The following OTUD7A variants were observed in gnomAD, a reference collection of about 807,000 sequenced individuals.
OTUD7A encodes the protein OTU domain-containing protein 7A.
In OTUD7A, 12 loss-of-function variants were observed where a neutral mutation model predicts 65.7. The observed-to-expected ratio is 0.18, with a 90% CI of 0.12 to 0.30. OTUD7A has a LOEUF of 0.30. OTUD7A is among the 10% of genes least tolerant of loss of function. OTUD7A has a pLI of 1.00. For missense variants in OTUD7A, 1,148 were observed against 1,304.8 expected, an observed-to-expected ratio of 0.88 and a Z score of 1.85; for synonymous variants, 641 against 586.3, an observed-to-expected ratio of 1.09 and a Z score of -1.35.
At chr15:31,569,649 G>A (rs1888983451) in intron 4 of OTUD7A, among the ~76,000 whole-genome samples, 1 of 152,236 alleles carries the variant, frequency 6.6e-6, no homozygotes, top group Non-Finnish European at 1.5e-5. Context: ...TGGAGCGCAT[G>A]GGACAAGAAA....
At chr15:31,728,359 C>T (rs1202875701) in intron 1 of OTUD7A, among the ~76,000 whole-genome samples, 2 of 152,208 alleles carry the variant, frequency 1.3e-5, no homozygotes, top group Non-Finnish European at 2.9e-5. Flanking sequence ...TGAGATGGCC[C>T]CTCATTCCTC....
chr15:31,768,871 C>T (rs1348565769), intron 1 of OTUD7A, among the ~76,000 whole-genome samples: 1 of 151,532 alleles, frequency 6.6e-6, no homozygotes, highest in African/African-American at 2.4e-5. Flanking sequence ...AAAAAGCATA[C>T]AAAGAGAATA....
intron 5 of OTUD7A, among the ~76,000 whole-genome samples, chr15:31,538,108 C>G (rs2141131637): frequency 6.6e-6 from 1 of 152,308 alleles, no homozygotes; most frequent in Admixed American, 6.5e-5. Flanking sequence ...CAAGATGTAA[C>G]AGGAGACCTG....
intron 8 of OTUD7A, among the ~76,000 whole-genome samples, chr15:31,512,257 T>C (rs1566894374): frequency 6.6e-6 from 1 of 152,098 alleles, no homozygotes; most frequent in Non-Finnish European, 1.5e-5. Context: ...CTGAGTTTAT[T>C]CCACATACCG....
rs1344742055 is a variant in OTUD7A at position 31,768,214 on chromosome 15, G to A, written c.-100+102293C>T. ...CCCGACTCTCCACAGGTCTGTCAGC[G>A]TCCGGTGGCATCCATGGCAGTGTAG... On this transcript the variant is annotated intron_variant, in intron 1 of 12. Coordinates refer to ENST00000307050, the MANE Select transcript of OTUD7A (RefSeq NM_001382637.1). The A allele has an allele frequency of 6.3e-5, 65 of 1,036,248 alleles. 1 individual carries two copies. The highest frequency in any genetic ancestry group is 8.4e-5 in the Non-Finnish European group (55 of 653,684). 64.2% of individuals were successfully genotyped at this position (1,036,248 alleles called of 1,614,324 possible).
chr15:31,597,990 C>T (rs1889957298), intron 3 of OTUD7A, among the ~76,000 whole-genome samples: 1 of 152,028 alleles, frequency 6.6e-6, no homozygotes, highest in African/African-American at 2.4e-5. Flanking sequence ...TGTTTCCAGT[C>T]CCCTGTGGCC....
intron 1 of OTUD7A, among the ~76,000 whole-genome samples, chr15:31,670,309 C>A (rs1458671875): frequency 6.6e-6 from 1 of 152,114 alleles, no homozygotes; most frequent in Non-Finnish European, 1.5e-5. Flanking sequence ...AATGGGATTG[C>A]CGGGTCAAAT....
chr15:31,617,819 T>C (rs1223935079), intron 3 of OTUD7A, among the ~76,000 whole-genome samples: 5 of 152,208 alleles, frequency 3.3e-5, no homozygotes, highest in Non-Finnish European at 7.3e-5. Flanking sequence ...AGGGTACATG[T>C]GCACAACATG....
chr15:31,486,219 G>A (rs575505479), intron 12 of OTUD7A, among the ~76,000 whole-genome samples: 147 of 152,272 alleles, frequency 9.7e-4, no homozygotes, highest in African/African-American at 3.3e-3. Context: ...TGTGGGTGCT[G>A]AAGAAGAACA....
chr15:31,551,218 T>C (rs1267439600), intron 5 of OTUD7A, among the ~76,000 whole-genome samples: 1 of 152,198 alleles, frequency 6.6e-6, no homozygotes, highest in Non-Finnish European at 1.5e-5. Context: ...GACCCCATCA[T>C]GGCCCAGTGC....
intron 3 of OTUD7A, among the ~76,000 whole-genome samples, chr15:31,625,376 C>T (rs564464735): frequency 1.3e-5 from 2 of 151,258 alleles, no homozygotes; most frequent in East Asian, 3.9e-4. Flanking sequence ...GACTAGTACA[C>T]CACAATATCA....
At chr15:31,839,044 A>G (rs557451505) in intron 1 of OTUD7A, among the ~76,000 whole-genome samples, 71 of 152,344 alleles carry the variant, frequency 4.7e-4, no homozygotes, top group African/African-American at 1.7e-3. Context: ...CTGCTCTCCC[A>G]GCCCCTGCTC....
chr15:31,852,826 A>C (rs1897464536), intron 1 of OTUD7A, among the ~76,000 whole-genome samples: 1 of 152,246 alleles, frequency 6.6e-6, no homozygotes, highest in African/African-American at 2.4e-5. Flanking sequence ...TATTCATTAC[A>C]TTAATGATTT....
intron 1 of OTUD7A, among the ~76,000 whole-genome samples, chr15:31,828,362 G>C (rs960463311): frequency 2.0e-5 from 3 of 151,662 alleles, no homozygotes; most frequent in Non-Finnish European, 4.4e-5. Context: ...TTTATTTCTG[G>C]AGTGCAATGT....
intron 1 of OTUD7A, among the ~76,000 whole-genome samples, chr15:31,725,553 G>A (rs1211749934): frequency 6.6e-6 from 1 of 152,206 alleles, no homozygotes; most frequent in Non-Finnish European, 1.5e-5. Context: ...CAAAAAGACT[G>A]AATCAAATAT....
intron 1 of OTUD7A, among the ~76,000 whole-genome samples, chr15:31,834,753 T>C (rs999355088): frequency 2.0e-5 from 3 of 152,258 alleles, no homozygotes; most frequent in African/African-American, 4.8e-5. Context: ...TCTGCTTCTA[T>C]ATCTGACCCA....
rs570058685 is a variant in OTUD7A at position 31,558,653 on chromosome 15, A to G, written c.550+316T>C. 88 of 397,146 alleles carry G rather than the reference A, an allele frequency of 2.2e-4. No homozygotes were observed. In the South Asian group the frequency reaches 3.8e-3, roughly 17 times the overall value. 24.6% of individuals were successfully genotyped at this position (397,146 alleles called of 1,614,324 possible). ...CCTATCTTTCATTCAACACCCACGG[A>G]GGAGTTGTCTGGGGAAAGAGAGAAG... On this transcript the variant is annotated intron_variant, in intron 5 of 12. Coordinates refer to ENST00000307050, the MANE Select transcript of OTUD7A (RefSeq NM_001382637.1).
chr15:31,680,477 A>C (rs1208127087), intron 1 of OTUD7A, among the ~76,000 whole-genome samples: 2 of 152,234 alleles, frequency 1.3e-5, no homozygotes, highest in Non-Finnish European at 2.9e-5. Context: ...CTAAGATATT[A>C]ATGTGTTATA....
At chr15:31,665,719 C>A (rs1299365721) in intron 1 of OTUD7A, among the ~76,000 whole-genome samples, 1 of 152,182 alleles carries the variant, frequency 6.6e-6, no homozygotes, top group African/African-American at 2.4e-5. Context: ...TGAGAGTGGG[C>A]ATCCTTGTCT....
Sources: allele counts gnomAD v4.1 joint callset (sites outside exome capture counted in the v4.1 genomes callset), GRCh38; gene constraint gnomAD v4.1.1; transcripts MANE v1.5; gene names NCBI Gene and HGNC (gene_info 2026-07-23, HGNC 2026-07-21).